CX3CL1: variants seen among roughly 807,000 people sequenced by gnomAD.
The protein encoded by CX3CL1 is fractalkine.
CX3CL1 carries 1 observed loss-of-function variant against 14.1 expected under a neutral mutation model. The observed-to-expected ratio is 0.07, with a 90% CI of 0.03 to 0.34. The LOEUF (loss-of-function observed/expected upper bound fraction) is 0.34, where lower values mean the gene tolerates loss of function less well. CX3CL1 is among the 10% of genes least tolerant of loss of function. CX3CL1 has a pLI of 0.99. For missense variants in CX3CL1, 505 were observed against 536.4 expected (o/e 0.94, Z 0.58); for synonymous variants, 255 against 229.6 (o/e 1.11, Z -1.00).
chr16:57,384,276 C>T lies in CX3CL1; in HGVS notation c.*1244C>T, dbSNP rs2239352. On this transcript the variant is annotated 3_prime_UTR_variant, in exon 3 of 3. Transcript: ENST00000006053. ...CTGCCCTCCAAGACCTTCTCCTTCA[C>T]CTTTGTCCCCACCGCAGACAGGACC... is the stretch of plus-strand genomic sequence containing the variant. 3,263 of 152,498 alleles carry T rather than the reference C, an allele frequency of 0.021. 104 individuals carry two copies. Among genetic ancestry groups the T allele is most frequent in the South Asian group, 0.1 (506 of 4,822 alleles). The allele number at this position is 152,498 out of a possible 1,614,324, so 9.4% of individuals were successfully genotyped here. A position where few individuals can be genotyped will look rare whatever the true frequency, so the allele number is the denominator to read the frequency against.
intron 1 of CX3CL1, among the ~76,000 whole-genome samples, chr16:57,376,449 T>TGGAC (rs1390231341): frequency 6.8e-6 from 1 of 146,948 alleles, no homozygotes; most frequent in African/African-American, 2.5e-5. Context: ...AGTGGATGGA[T>TGGAC]GGATGGATGG....
intron 1 of CX3CL1, 92 bp from the exon 2 acceptor site, chr16:57,379,542 C>G: frequency 6.5e-7 from 1 of 1,541,952 alleles, no homozygotes; most frequent in Admixed American, 1.8e-5. Flanking sequence ...TCAGTTTTGG[C>G]TTGGGTGGTG....
chr16:57,382,611 A>G lies in CX3CL1; in HGVS notation c.773A>G (p.Asn258Ser), dbSNP rs753109663. 6.2e-6 allele frequency: 10 copies of G among 1,613,652 alleles called. No homozygotes were observed. The highest frequency in any genetic ancestry group is 7.6e-6 in the Non-Finnish European group (9 of 1,179,824). The change falls in exon 3 of 3, where the codon AAC becomes AGC. Residue 258 changes from asparagine (N) to serine (S), a missense_variant. Transcript: ENST00000006053. The surrounding 1 kb of genome is among the most constrained non-coding windows in gnomAD (Gnocchi z 6.9). ...CAGGGACAGAGCCCCAGGCCAGAGA[A>G]CTCTCTGGAGCGGGAGGAGATGGGT... The part of the protein sequence containing the change: ...WGQGQSPRPE[N>S]SLEREEMGPV...
Position 57,383,070 on chromosome 16 carries a change from G to T in CX3CL1, c.*38G>T. 7.3e-7 allele frequency: 1 copy of T among 1,367,808 alleles called. No homozygotes were observed. 84.7% of individuals were successfully genotyped at this position (1,367,808 alleles called of 1,614,324 possible). On this transcript the variant is annotated 3_prime_UTR_variant, in exon 3 of 3. Transcript: ENST00000006053. Reference sequence around the variant, plus strand: ...TGTGTCTAGTTGTTTGATTCAGACAGCTGCCTGGGATCCCTCATCCTCATA... The same window carrying T: ...TGTGTCTAGTTGTTTGATTCAGACATCTGCCTGGGATCCCTCATCCTCATA...
chr16:57,382,648 G>A lies in CX3CL1; in HGVS notation c.810G>A (p.Ala270=), dbSNP rs558904875. ...LEREEMGPVP[A]HTDAFQDWGP... is the part of the protein sequence containing the mutation. ...GGGAGGAGATGGGTCCCGTGCCAGC[G>A]CACACGGATGCCTTCCAGGACTGGG... Residue 270 remains alanine (A), a synonymous_variant, in exon 3 of 3, where the codon GCG becomes GCA. Transcript: ENST00000006053. This position sits in a 1 kb window ranked among gnomAD's most constrained non-coding sequence, Gnocchi z 6.9. 1.4e-5 allele frequency: 23 copies of A among 1,613,298 alleles called. No individual in the cohort carries two copies. The highest frequency in any genetic ancestry group is 9.3e-5 in the African/African-American group (7 of 75,046).
At chr16:57,375,055 G>T (rs527656929) in intron 1 of CX3CL1, among the ~76,000 whole-genome samples, 2 of 151,436 alleles carry the variant, frequency 1.3e-5, no homozygotes, top group Non-Finnish European at 2.9e-5. Flanking sequence ...CAAGAGAATC[G>T]CTTGAACCTG....
chr16:57,372,756 C>T lies in CX3CL1; in HGVS notation c.70+118C>T, dbSNP rs1346729465. ...CCTGGGTAAAGCTCAAGGCCGGTGG[C>T]AGCCGCTTCCCCAGGGATGTGCGAG... On this transcript the variant is annotated intron_variant, in intron 1 of 2. Transcript: ENST00000006053. 4.3e-6 allele frequency: 4 copies of T among 932,302 alleles called. No homozygotes were observed. The Admixed American group carries it at 8.8e-5, about 20-fold the overall frequency. 57.8% of individuals were successfully genotyped at this position (932,302 alleles called of 1,614,324 possible).
intron 1 of CX3CL1, among the ~76,000 whole-genome samples, chr16:57,373,870 T>TG (rs1417237064): frequency 6.6e-5 from 10 of 152,118 alleles, no homozygotes; most frequent in African/African-American, 2.2e-4. Flanking sequence ...TCCGGTGGAT[T>TG]GGGGGAGGGT....
intron 1 of CX3CL1, among the ~76,000 whole-genome samples, chr16:57,374,100 C>T (rs1412044404): frequency 6.6e-6 from 1 of 152,126 alleles, no homozygotes; most frequent in East Asian, 1.9e-4. Flanking sequence ...TGGAACCTTT[C>T]TCAGCCTCAC....
chr16:57,372,778 C>A (rs943839695), intron 1 of CX3CL1, 140 bp downstream of exon 1: 7 of 764,618 alleles, frequency 9.2e-6, no homozygotes, highest in South Asian at 3.4e-5. Context: ...CAGGGATGTG[C>A]GAGAGGGGGC....
chr16:57,380,625 G>T (rs542314804), intron 2 of CX3CL1, among the ~76,000 whole-genome samples: 3 of 148,174 alleles, frequency 2.0e-5, no homozygotes, highest in Non-Finnish European at 4.5e-5. Flanking sequence ...AGGAGCTGCA[G>T]AAATCACTAT....
intron 2 of CX3CL1, among the ~76,000 whole-genome samples, chr16:57,380,109 A>G (rs1329729578): frequency 6.6e-6 from 1 of 152,222 alleles, no homozygotes; most frequent in Non-Finnish European, 1.5e-5. Context: ...GGTGTAAAGC[A>G]TGAGGGTCTT....
In CX3CL1 at chr16:57,382,631, A is replaced by T. The variant is rs779500193; in HGVS notation, c.793A>T (p.Met265Leu). The T allele has an allele frequency of 1.2e-5, 19 of 1,613,574 alleles. No homozygotes were observed. The highest frequency in any genetic ancestry group is 1.6e-5 in the Non-Finnish European group (19 of 1,179,822). Residue 265 changes from methionine (M) to leucine (L), a missense_variant, in exon 3 of 3, where the codon ATG becomes TTG. Met to Leu is a conservative substitution (Grantham distance 15). Coordinates refer to ENST00000006053, the MANE Select transcript of CX3CL1 (RefSeq NM_002996.6). This position sits in a 1 kb window ranked among gnomAD's most constrained non-coding sequence, Gnocchi z 6.9. Reference sequence around the variant, plus strand: ...AGAGAACTCTCTGGAGCGGGAGGAGATGGGTCCCGTGCCAGCGCACACGGA... The same window carrying T: ...AGAGAACTCTCTGGAGCGGGAGGAGTTGGGTCCCGTGCCAGCGCACACGGA... ...RPENSLEREE[M>L]GPVPAHTDAF...
intron 1 of CX3CL1, among the ~76,000 whole-genome samples, chr16:57,374,873 G>T (rs1175261718): frequency 6.6e-6 from 1 of 152,174 alleles, no homozygotes; most frequent in Non-Finnish European, 1.5e-5. Context: ...GGGCGCAGGG[G>T]CTCATGCCTG....
chr16:57,373,139 A>C (rs1190438965), intron 1 of CX3CL1, among the ~76,000 whole-genome samples: 1 of 152,166 alleles, frequency 6.6e-6, no homozygotes, highest in Non-Finnish European at 1.5e-5. Flanking sequence ...GTGAAGGTCA[A>C]GGTCACTGCA....
rs769810786 is a variant in CX3CL1 at position 57,382,484 on chromosome 16, T to A, written c.646T>A (p.Ser216Thr). The A allele has an allele frequency of 1.2e-6, 2 of 1,612,630 alleles. No homozygotes were observed. The highest frequency in any genetic ancestry group is 4.5e-5 in the East Asian group (2 of 44,860). The change falls in exon 3 of 3, where the codon TCT (serine) becomes ACT (threonine). Residue 216 changes from serine to threonine, a missense_variant. By Grantham distance (58) the Ser-to-Thr change is moderately conservative (BLOSUM62 1). Transcript: ENST00000006053. The surrounding 1 kb of genome is among the most constrained non-coding windows in gnomAD (Gnocchi z 6.9). ...CAGCCTCTGGGCTGAGGCAAAGACC[T>A]CTGAGGCCCCGTCCACCCAGGACCC... ...GPSLWAEAKT[S>T]EAPSTQDPST...
rs56254420 is a variant in CX3CL1, at chr16:57,376,492, G to A, written c.71-3142G>A. Among the ~76,000 whole-genome samples, 804 of 115,028 alleles carry A rather than the reference G, an allele frequency of 7.0e-3. 9 individuals are homozygous for A. Among genetic ancestry groups the A allele is most frequent in the African/African-American group, 0.022 (704 of 31,738 alleles). The allele number at this position is 115,028 out of a possible 152,430, so 75.5% of individuals were successfully genotyped here. A position where few individuals can be genotyped will look rare whatever the true frequency, so the allele number is the denominator to read the frequency against. On this transcript the variant is annotated intron_variant, in intron 1 of 2. Transcript: ENST00000006053. Reference sequence around the variant, plus strand: ...GATGGATGGATGGATGGATGGATGGGTGGATAGATGGATGAATGGATGGAT... The same window carrying A: ...GATGGATGGATGGATGGATGGATGGATGGATAGATGGATGAATGGATGGAT...
chr16:57,382,483 C>T lies in CX3CL1; in HGVS notation c.645C>T (p.Thr215=), dbSNP rs1434003933. 3 of 1,612,610 alleles carry T rather than the reference C, an allele frequency of 1.9e-6. No individual in the cohort carries two copies. Among genetic ancestry groups the T allele is most frequent in the Admixed American group, 1.7e-5 (1 of 59,920 alleles). ...PGPSLWAEAK[T]SEAPSTQDPS... is the part of the protein sequence containing the mutation. ...CCAGCCTCTGGGCTGAGGCAAAGAC[C>T]TCTGAGGCCCCGTCCACCCAGGACC... Residue 215 remains threonine (T), a synonymous_variant, in exon 3 of 3, where the codon ACC becomes ACT. Transcript: ENST00000006053. This position sits in a 1 kb window ranked among gnomAD's most constrained non-coding sequence, Gnocchi z 6.9.
rs1902392510 is a variant in CX3CL1 at position 57,384,949 on chromosome 16, A to C, written c.*1917A>C. 2 of 152,216 alleles carry C rather than the reference A, an allele frequency of 1.3e-5. No homozygotes were observed. The highest frequency in any genetic ancestry group is 4.8e-5 in the African/African-American group (2 of 41,454). 9.4% of individuals were successfully genotyped at this position (152,216 alleles called of 1,614,324 possible). A position where few individuals can be genotyped will look rare whatever the true frequency, so the allele number is the denominator to read the frequency against. On this transcript the variant is annotated 3_prime_UTR_variant, in exon 3 of 3. Coordinates refer to ENST00000006053, the MANE Select transcript of CX3CL1 (RefSeq NM_002996.6). ...CAAGGATGATCTAGGAAGACTTTGG[A>C]AAGAGTAGGAAGACTTTGGAAAGAC...
Sources: allele counts gnomAD v4.1 joint callset (sites outside exome capture counted in the v4.1 genomes callset), GRCh38; gene constraint gnomAD v4.1.1; non-coding constraint Gnocchi (gnomAD v3.1); transcripts MANE v1.5; gene names NCBI Gene and HGNC (gene_info 2026-07-23, HGNC 2026-07-21).